Variants in LRBA observed in about 807,000 individuals in gnomAD.
The protein encoded by LRBA is lipopolysaccharide-responsive and beige-like anchor protein.
A neutral mutation model predicts 330.0 loss-of-function variants in LRBA; 176 were observed. The ratio of observed to expected loss-of-function variants is 0.53; its 90% CI spans 0.47 to 0.60. The LOEUF (loss-of-function observed/expected upper bound fraction) is 0.60, where lower values mean the gene tolerates loss of function less well. Ranked by LOEUF, LRBA falls within the 20% of genes least tolerant of loss-of-function variation. The pLI is 0.00. For missense variants in LRBA, 3,259 were observed against 3,444.8 expected (o/e 0.95, Z 1.35); for synonymous variants, 1,230 against 1,193.0 (o/e 1.03, Z -0.64).
At chr4:150,491,101 C>T (rs1401090262) in intron 40 of LRBA, 66 bp from the exon 41 acceptor site, 1 of 701,886 alleles carries the variant, frequency 1.4e-6, no homozygotes, top group Non-Finnish European at 2.3e-6. Flanking sequence ...TTTCTTTCCC[C>T]AATTAAAATA....
chr4:150,897,875 A>G, intron 14 of LRBA, 57 bp from the exon 15 acceptor site: 1 of 1,179,504 alleles, frequency 8.5e-7, no homozygotes, highest in Non-Finnish European at 1.3e-6. Context: ...AAAGCTGTCA[A>G]AGTATAAAAT....
chr4:150,363,971 G>C (rs1739079212), intron 47 of LRBA, among the ~76,000 whole-genome samples: 1 of 152,136 alleles, frequency 6.6e-6, no homozygotes, highest in Non-Finnish European at 1.5e-5. Context: ...GTGATTACTA[G>C]CCACTGCAAA....
intron 51 of LRBA, chr4:150,315,198 T>A (rs1224784163): frequency 3.3e-6 from 1 of 306,080 alleles, no homozygotes; most frequent in Admixed American, 4.8e-5. Context: ...CTCCATCACA[T>A]TACCGGTGCA....
chr4:150,754,561 G>GTC (rs1734032203), intron 35 of LRBA, among the ~76,000 whole-genome samples: 1 of 133,202 alleles, frequency 7.5e-6, no homozygotes, highest in South Asian at 2.5e-4. Flanking sequence ...GAGAGATAAA[G>GTC]TCTCTGCTCA....
At chr4:150,791,707 T>C (rs1484706085) in intron 34 of LRBA, among the ~76,000 whole-genome samples, 2 of 152,120 alleles carry the variant, frequency 1.3e-5, no homozygotes, top group South Asian at 2.1e-4. Flanking sequence ...TAGGATTTCC[T>C]TATAGGTGAA....
chr4:150,334,473 T>C (rs1413687396), intron 48 of LRBA, among the ~76,000 whole-genome samples: 1 of 152,112 alleles, frequency 6.6e-6, no homozygotes, highest in Non-Finnish European at 1.5e-5. Context: ...TAGATAAAAG[T>C]CAAGTTTGTA....
intron 37 of LRBA, among the ~76,000 whole-genome samples, chr4:150,627,998 A>G (rs1425800130): frequency 2.0e-5 from 3 of 152,076 alleles, no homozygotes; most frequent in Admixed American, 2.0e-4. Context: ...AAGGATTAAG[A>G]TCTATTTCCT....
chr4:150,766,375 T>C (rs184782489), intron 34 of LRBA, among the ~76,000 whole-genome samples: 259 of 152,196 alleles, frequency 1.7e-3, no homozygotes, highest in Non-Finnish European at 2.7e-3. Context: ...ATAGCCTATA[T>C]AAAAAGAATC....
At chr4:150,495,536 T>C (rs1344519380) in intron 40 of LRBA, among the ~76,000 whole-genome samples, 4 of 152,182 alleles carry the variant, frequency 2.6e-5, no homozygotes, top group Non-Finnish European at 5.9e-5. Flanking sequence ...ACTAGCAATC[T>C]CTTAACTAAG....
At chr4:150,893,922 G>A (rs965457458) in intron 16 of LRBA, among the ~76,000 whole-genome samples, 3 of 151,914 alleles carry the variant, frequency 2.0e-5, no homozygotes, top group African/African-American at 4.8e-5. Flanking sequence ...TGATCCACCC[G>A]CCTTGGCCTT....
intron 46 of LRBA, among the ~76,000 whole-genome samples, chr4:150,434,598 G>GT (rs1750854238): frequency 6.6e-6 from 1 of 152,274 alleles, no homozygotes; most frequent in South Asian, 2.1e-4. Context: ...GCTCACACCT[G>GT]TAATCCCAGC....
intron 46 of LRBA, among the ~76,000 whole-genome samples, chr4:150,432,519 G>A (rs1193851249): frequency 2.1e-5 from 3 of 139,700 alleles, no homozygotes; most frequent in Non-Finnish European, 3.0e-5. Context: ...GTGCAGTGGC[G>A]CTATCTCGGC....
intron 40 of LRBA, among the ~76,000 whole-genome samples, chr4:150,525,125 A>G (rs1763316688): frequency 6.6e-6 from 1 of 152,184 alleles, no homozygotes; most frequent in Non-Finnish European, 1.5e-5. Context: ...ACAGACTTAC[A>G]GACAATAATA....
chr4:150,840,490 A>T (rs1278148924), intron 28 of LRBA: 2 of 152,220 alleles, frequency 1.3e-5, no homozygotes, highest in Non-Finnish European at 2.9e-5. Context: ...AAATAGAGAG[A>T]CAGGGTAAAG....
chr4:150,956,337 C>T lies in LRBA; in HGVS notation c.217-27272G>A, dbSNP rs949993266. Among the ~76,000 whole-genome samples, 7 of 148,542 alleles carry T rather than the reference C, an allele frequency of 4.7e-5. No homozygotes were observed. In the South Asian group the frequency reaches 8.3e-4, roughly 18 times the overall value. ...CTGACTCAAAAAGAAATACAAAATACAAACAGACCTACAACAAGAATTAAA... is the reference window on the plus strand; with the variant it reads ...CTGACTCAAAAAGAAATACAAAATATAAACAGACCTACAACAAGAATTAAA... On this transcript the variant is annotated intron_variant, in intron 2 of 56. Coordinates refer to ENST00000651943, the MANE Select transcript of LRBA (RefSeq NM_001364905.1).
Position 150,350,072 on chromosome 4 carries a change from G to A in LRBA, c.7282C>T (p.Arg2428Ter). Residue 2428 changes from arginine to a stop codon, truncating the protein, a stop_gained, in exon 48 of 57, where the codon CGA becomes TGA. Transcript: ENST00000651943. LOFTEE classifies it high-confidence loss of function. Reference protein sequence around the residue: ...GYKQQGPEAVRALNVFYYLTY... With the variant: ...GYKQQGPEAV ...AAGTAATAGAACACATTGAGGGCTCGGACAGCTTCTGGTCCTTGCTGTTTA... is the reference window on the plus strand; with the variant it reads ...AAGTAATAGAACACATTGAGGGCTCAGACAGCTTCTGGTCCTTGCTGTTTA... 9 of 1,612,752 alleles carry A rather than the reference G, an allele frequency of 5.6e-6. No individual in the cohort carries two copies. Among genetic ancestry groups the A allele is most frequent in the East Asian group, 2.2e-5 (1 of 44,766 alleles).
intron 40 of LRBA, among the ~76,000 whole-genome samples, chr4:150,526,107 A>T (rs1033322643): frequency 1.3e-5 from 2 of 152,214 alleles, no homozygotes; most frequent in Non-Finnish European, 2.9e-5. Context: ...AAATAGAATA[A>T]ATGACTTTTA....
chr4:150,460,351 A>C (rs1447390968), intron 44 of LRBA, among the ~76,000 whole-genome samples: 1 of 151,858 alleles, frequency 6.6e-6, no homozygotes, highest in Non-Finnish European at 1.5e-5. Context: ...CCTGAAAGAG[A>C]GAGCGAGAAA....
At chr4:150,576,030 T>A (rs1770495215) in intron 40 of LRBA, among the ~76,000 whole-genome samples, 2 of 151,892 alleles carry the variant, frequency 1.3e-5, no homozygotes, top group Admixed American at 1.3e-4. Context: ...CAATCATTTC[T>A]TAAAGTTAAC....
Sources: allele counts gnomAD v4.1 joint callset (sites outside exome capture counted in the v4.1 genomes callset), GRCh38; gene constraint gnomAD v4.1.1; transcripts MANE v1.5; gene names NCBI Gene and HGNC (gene_info 2026-07-23, HGNC 2026-07-21).